The following FOXA1 variants were observed in gnomAD, a reference collection of about 807,000 sequenced individuals.
FOXA1 encodes the protein hepatocyte nuclear factor 3-alpha.
FOXA1 carries 9 observed loss-of-function variants against 29.2 expected under a neutral mutation model. That is an observed-to-expected ratio of 0.31 (90% CI 0.19 to 0.54). FOXA1 has a LOEUF of 0.54. FOXA1 is among the 20% of genes least tolerant of loss of function. FOXA1 has a pLI of 0.95. For synonymous variants in FOXA1, 340 were observed against 300.9 expected, an observed-to-expected ratio of 1.13 and a Z score of -1.34; for missense variants, 644 against 681.2, an observed-to-expected ratio of 0.95 and a Z score of 0.61.
Position 37,590,955 on chromosome 14 carries a change from G to A in FOXA1, c.*410C>T. 2.5e-6 allele frequency: 1 copy of A among 398,672 alleles called. No individual in the cohort carries two copies. Among genetic ancestry groups the A allele is most frequent in the South Asian group, 2.7e-5 (1 of 36,878 alleles). 24.7% of individuals were successfully genotyped at this position (398,672 alleles called of 1,614,324 possible). A position where few individuals can be genotyped will look rare whatever the true frequency, so the allele number is the denominator to read the frequency against. On this transcript the variant is annotated 3_prime_UTR_variant, in exon 2 of 2. Coordinates refer to ENST00000250448, the MANE Select transcript of FOXA1 (RefSeq NM_004496.5). ...AAACTCGTAGGGGGTCAGGTAAGGA[G>A]GGGGAAAAAGCACAAACAAATATTT...
Position 37,591,725 on chromosome 14 carries a change from G to A in FOXA1, c.1059C>T (p.Ala353=). 6.3e-7 allele frequency: 1 copy of A among 1,578,814 alleles called. No homozygotes were observed. Among genetic ancestry groups the A allele is most frequent in the Non-Finnish European group, 8.6e-7 (1 of 1,162,524 alleles). Residue 353 remains alanine (A), a synonymous_variant, in exon 2 of 2, where the codon GCC becomes GCT. Transcript: ENST00000250448. ...AGCTTATGGGGGGCGCAGTTGAGGA[G>A]GCTGGAGTCTTCAACTCCGAGGCGC... ...TGGASELKTP[A]SSTAPPISSG...
chr14:37,594,468 G>T, intron 1 of FOXA1: 1 of 747,394 alleles, frequency 1.3e-6, no homozygotes, highest in Non-Finnish European at 1.6e-6. Context: ...GCGGCAGAGC[G>T]CTTTAATCAG....
chr14:37,592,763 G>T, intron 1 of FOXA1, 52 bp from the exon 2 acceptor site: 1 of 1,600,208 alleles, frequency 6.2e-7, no homozygotes, highest in Non-Finnish European at 8.5e-7. Flanking sequence ...GTTAGTGGTG[G>T]GCACTGGAGG....
chr14:37,591,482 G>T lies in FOXA1; in HGVS notation c.1302C>A (p.Pro434=), dbSNP rs1317762474. Residue 434 remains proline (P), a synonymous_variant, in exon 2 of 2, where the codon CCC becomes CCA. Coordinates refer to ENST00000250448, the MANE Select transcript of FOXA1 (RefSeq NM_004496.5). ...AGGCGCTGCCTAGAGGCAGGCTGGC[G>T]GGCAACGTAGAGCCGTAAGGCGAGT... ...LQYSPYGSTL[P]ASLPLGSASV... 3 of 1,614,194 alleles carry T rather than the reference G, an allele frequency of 1.9e-6. No homozygotes were observed. Among genetic ancestry groups the T allele is most frequent in the Middle Eastern group, 1.6e-4 (1 of 6,062 alleles).
Position 37,592,289 on chromosome 14 carries a change from G to C in FOXA1, c.495C>G (p.Ser165Arg), listed in dbSNP as rs2139182879. The C allele has an allele frequency of 1.9e-6, 3 of 1,612,406 alleles. No homozygotes were observed. The highest frequency in any genetic ancestry group is 2.5e-6 in the Non-Finnish European group (3 of 1,179,068). ...GGGDAKTFKR[S>R]YPHAKPPYSY... The stretch of plus-strand genomic sequence containing the variant: ...AGTAGGGCGGCTTGGCGTGCGGGTA[G>C]CTGCGCTTGAACGTCTTGGCGTCGC... The change falls in exon 2 of 2, where the codon AGC (serine) becomes AGG (arginine). Residue 165 changes from serine to arginine, a missense_variant. Transcript: ENST00000250448.
chr14:37,591,950 G>A lies in FOXA1; in HGVS notation c.834C>T (p.Gly278=). ...CGCCGCTGCCCCCGCTTCCGCTCCC[G>A]CCCCCGCCGCCGGCCCCCGGCTGCT... ...CEKQPGAGGG[G]GSGSGGSGAK... The change falls in exon 2 of 2, where the codon GGC becomes GGT. Residue 278 remains glycine (G), a synonymous_variant. Transcript: ENST00000250448. The A allele has an allele frequency of 2.0e-6, 3 of 1,518,076 alleles. No individual in the cohort carries two copies. Among genetic ancestry groups the A allele is most frequent in the Non-Finnish European group, 8.8e-7 (1 of 1,136,122 alleles). 94.0% of individuals were successfully genotyped at this position (1,518,076 alleles called of 1,614,324 possible). A position where few individuals can be genotyped will look rare whatever the true frequency, so the allele number is the denominator to read the frequency against.
rs1428644047 is a variant in FOXA1, at chr14:37,592,030, T to G, written c.754A>C (p.Asn252His). Residue 252 changes from asparagine (N) to histidine (H), a missense_variant, in exon 2 of 2, where the codon AAC (asparagine) becomes CAC (histidine). Coordinates refer to ENST00000250448, the MANE Select transcript of FOXA1 (RefSeq NM_004496.5). ...SYWTLHPDSG[N>H]MFENGCYLRR... ...AAGTAGCAGCCGTTCTCGAACATGT[T>G]GCCGGAGTCCGGGTGCAGCGTCCAG... The G allele has an allele frequency of 6.2e-7, 1 of 1,606,898 alleles. No individual in the cohort carries two copies. The highest frequency in any genetic ancestry group is 8.5e-7 in the Non-Finnish European group (1 of 1,176,466).
intron 1 of FOXA1, chr14:37,594,111 T>C (rs988927542): frequency 7.8e-7 from 1 of 1,281,106 alleles, no homozygotes. Context: ...TTCCCAAGAT[T>C]ATCCAAGGCA....
chr14:37,591,929 G>C lies in FOXA1; in HGVS notation c.855C>G (p.Ser285Arg), dbSNP rs2139181361. 6.7e-7 allele frequency: 1 copy of C among 1,490,748 alleles called. No homozygotes were observed. The highest frequency in any genetic ancestry group is 8.9e-7 in the Non-Finnish European group (1 of 1,124,386). 92.3% of individuals were successfully genotyped at this position (1,490,748 alleles called of 1,614,324 possible). ...GGGGGSGSGGSGAKGGPESRK... is the reference protein window; with the variant it reads ...GGGGGSGSGGRGAKGGPESRK... ...GGCTCTCAGGGCCGCCCTTGGCGCCGCTGCCCCCGCTTCCGCTCCCGCCCC... is the reference window on the plus strand; with the variant it reads ...GGCTCTCAGGGCCGCCCTTGGCGCCCCTGCCCCCGCTTCCGCTCCCGCCCC... The change falls in exon 2 of 2, where the codon AGC (serine) becomes AGG (arginine). Residue 285 changes from serine to arginine, a missense_variant. Coordinates refer to ENST00000250448, the MANE Select transcript of FOXA1 (RefSeq NM_004496.5).
chr14:37,592,581 T>C lies in FOXA1; in HGVS notation c.203A>G (p.Tyr68Cys). The C allele has an allele frequency of 1.9e-6, 3 of 1,614,114 alleles. No homozygotes were observed. The highest frequency in any genetic ancestry group is 2.5e-6 in the Non-Finnish European group (3 of 1,180,020). ...NMTPASFNMS[Y>C]ANPGLGAGLS... ...GCCGGCCCCTAGGCCCGGGTTGGCA[T>C]AGGACATGTTGAAGGACGCCGGGGT... Residue 68 changes from tyrosine to cysteine, a missense_variant, in exon 2 of 2, where the codon TAT becomes TGT. Physicochemically the swap from Tyr to Cys is radical, Grantham distance 194 (BLOSUM62 -2). Transcript: ENST00000250448.
intron 1 of FOXA1, chr14:37,594,039 T>C: frequency 8.4e-7 from 1 of 1,195,478 alleles, no homozygotes; most frequent in Non-Finnish European, 1.1e-6. Flanking sequence ...TACGTGATCC[T>C]ATATTTTTCT....
At chr14:37,594,860 A>T (rs2139187913) in intron 1 of FOXA1, 41 bp downstream of exon 1, 1 of 1,494,478 alleles carries the variant, frequency 6.7e-7, no homozygotes, top group Non-Finnish European at 9.0e-7. Context: ...CACGGGCTCC[A>T]GCGGCGCCCC....
In FOXA1 at chr14:37,592,404, A is replaced by C. The variant is rs975102595; in HGVS notation, c.380T>G (p.Leu127Arg). 1 of 1,601,218 alleles carries C rather than the reference A, an allele frequency of 6.2e-7. No individual in the cohort carries two copies. The highest frequency in any genetic ancestry group is 1.7e-4 in the Middle Eastern group (1 of 5,938). ...GTTCATGGCGGCCGCGTAGGGGCCC[A>C]GGCCATTCATGGAGGCCGCCTGCTG... ...GAQQAASMNG[L>R]GPYAAAMNPC... The change falls in exon 2 of 2, where the codon CTG becomes CGG. Residue 127 changes from leucine to arginine, a missense_variant. This residue lies in a region of FOXA1 where 309 missense variants were observed against 307.0 expected (regional missense o/e 1.01). Transcript: ENST00000250448.
Position 37,590,906 on chromosome 14 carries a change from T to G in FOXA1, c.*459A>C. On this transcript the variant is annotated 3_prime_UTR_variant, in exon 2 of 2. Coordinates refer to ENST00000250448, the MANE Select transcript of FOXA1 (RefSeq NM_004496.5). ...TTCTTCACCATTTCAATTCTTATGG[T>G]TAAGAGTATTGCCACAGACCTGTAA... The G allele has an allele frequency of 3.0e-6, 1 of 331,906 alleles. No homozygotes were observed. The highest frequency in any genetic ancestry group is 4.6e-5 in the South Asian group (1 of 21,626). The allele number at this position is 331,906 out of a possible 1,614,324, so 20.6% of individuals were successfully genotyped here. A position where few individuals can be genotyped will look rare whatever the true frequency, so the allele number is the denominator to read the frequency against.
chr14:37,591,903 C>A lies in FOXA1; in HGVS notation c.881G>T (p.Arg294Leu), dbSNP rs867473250. ...GSGAKGGPES[R>L]KDPSGASNPS... is the part of the protein sequence containing the mutation. The stretch of plus-strand genomic sequence containing the variant: ...GTTAGAGGCGCCAGAGGGGTCCTTG[C>A]GGCTCTCAGGGCCGCCCTTGGCGCC... The change falls in exon 2 of 2, where the codon CGC (arginine) becomes CTC (leucine). Residue 294 changes from arginine to leucine, a missense_variant. By Grantham distance (102) the Arg-to-Leu change is moderately radical. Coordinates refer to ENST00000250448, the MANE Select transcript of FOXA1 (RefSeq NM_004496.5). 1 of 1,464,860 alleles carries A rather than the reference C, an allele frequency of 6.8e-7. No homozygotes were observed. The highest frequency in any genetic ancestry group is 2.5e-5 in the East Asian group (1 of 40,442). 90.7% of individuals were successfully genotyped at this position (1,464,860 alleles called of 1,614,324 possible).
Position 37,592,236 on chromosome 14 carries a change from A to G in FOXA1, c.548T>C (p.Ile183Thr), listed in dbSNP as rs2095596522. ...YSYISLITMA[I>T]QQAPSKMLTL... The stretch of plus-strand genomic sequence containing the variant: ...GAGCATCTTGCTGGGCGCCTGCTGG[A>G]TGGCCATGGTGATGAGCGAGATGTA... Residue 183 changes from isoleucine (I) to threonine (T), a missense_variant, in exon 2 of 2, where the codon ATC becomes ACC. Ile to Thr is a moderately conservative substitution (Grantham distance 89). Coordinates refer to ENST00000250448, the MANE Select transcript of FOXA1 (RefSeq NM_004496.5). The G allele has an allele frequency of 6.2e-7, 1 of 1,613,766 alleles. No individual in the cohort carries two copies. Among genetic ancestry groups the G allele is most frequent in the African/African-American group, 1.3e-5 (1 of 74,872 alleles).
chr14:37,594,776 G>T, intron 1 of FOXA1, 125 bp downstream of exon 1: 1 of 515,338 alleles, frequency 1.9e-6, no homozygotes, highest in Non-Finnish European at 2.8e-6. Context: ...GGCGGGCAGC[G>T]GTGGCACCGA....
intron 1 of FOXA1, among the ~76,000 whole-genome samples, chr14:37,593,359 G>A (rs946945630): frequency 6.6e-6 from 1 of 152,140 alleles, no homozygotes. Context: ...ATCTCAAAGT[G>A]CTATATGCAT....
rs753779160 is a variant in FOXA1 at position 37,595,020 on chromosome 14, ACGGGCGG to A, written c.-55_-49del. 4.1e-6 allele frequency: 5 copies of A among 1,208,342 alleles called. No individual in the cohort carries two copies. The South Asian group carries it at 6.3e-5, about 15-fold the overall frequency. The allele number at this position is 1,208,342 out of a possible 1,614,324, so 74.9% of individuals were successfully genotyped here. A position where few individuals can be genotyped will look rare whatever the true frequency, so the allele number is the denominator to read the frequency against. ...CAACCATCCAGCCCTGTGCGAAGCGACGGGCGGCCGCGCGGCGCGGGGCGGGGGAGGG... is the reference window on the plus strand; with the variant it reads ...CAACCATCCAGCCCTGTGCGAAGCGACCGCGCGGCGCGGGGCGGGGGAGGG... On this transcript the variant is annotated 5_prime_UTR_variant, in exon 1 of 2. Transcript: ENST00000250448.
Sources: allele counts gnomAD v4.1 joint callset (sites outside exome capture counted in the v4.1 genomes callset), GRCh38; gene constraint gnomAD v4.1.1; regional missense constraint gnomAD v4.1.1; transcripts MANE v1.5; gene names NCBI Gene and HGNC (gene_info 2026-07-23, HGNC 2026-07-21).